DGKD: variants seen among roughly 807,000 people sequenced by gnomAD.
The protein encoded by DGKD is DAG kinase delta.
Under a neutral mutation model 154.4 loss-of-function variants are expected in DGKD, and 68 were observed. The ratio of observed to expected loss-of-function variants is 0.44; its 90% CI spans 0.36 to 0.54. The LOEUF (loss-of-function observed/expected upper bound fraction) is 0.54, where lower values mean the gene tolerates loss of function less well. Ranked by LOEUF, DGKD falls within the 20% of genes least tolerant of loss-of-function variation. The probability of loss-of-function intolerance (pLI) is 0.00; values close to 1 mark genes in which losing one functional copy is unlikely to be tolerated. For synonymous variants in DGKD, 693 were observed against 638.0 expected (o/e 1.09, Z -1.30); for missense variants, 1,343 against 1,593.6 (o/e 0.84, Z 2.68).
At chr2:233,467,525 A>T (rs1009667565) in intron 28 of DGKD, among the ~76,000 whole-genome samples, 1 of 152,186 alleles carries the variant, frequency 6.6e-6, no homozygotes, top group African/African-American at 2.4e-5. Flanking sequence ...CTCTGGACTC[A>T]GGCCGTGCTG....
At chr2:233,368,777 A>G (rs1702167440) in intron 1 of DGKD, among the ~76,000 whole-genome samples, 1 of 152,154 alleles carries the variant, frequency 6.6e-6, no homozygotes. Flanking sequence ...TTTTGATGCT[A>G]AAATTATCCT....
Position 233,450,118 on chromosome 2 carries a change from G to A in DGKD, c.2025G>A (p.Arg675=). The A allele has an allele frequency of 6.2e-7, 1 of 1,611,580 alleles. No homozygotes were observed. Among genetic ancestry groups the A allele is most frequent in the South Asian group, 1.1e-5 (1 of 90,790 alleles). ...HSESFGVPKG[R]SQRKVSKSPC... is the part of the protein sequence containing the mutation. ...AGAGCTTCGGGGTCCCCAAGGGGAG[G>A]AGCCAGCGCAAAGGTACTTGTGCCT... The change falls in exon 16 of 30, where the codon AGG becomes AGA. Residue 675 remains arginine, a synonymous_variant. Coordinates refer to ENST00000264057, the MANE Select transcript of DGKD (RefSeq NM_152879.3).
At position 233,457,518 on chromosome 2, in the gene DGKD, G is replaced by A. The variant is rs2063498623; in HGVS notation, c.2580+190G>A. Reference sequence around the variant, plus strand: ...GTCTAGAGGGCTGAGCAGAGCAGTTGTGTCAGTGAAGGTGGTCAGTGAGGG... The same window carrying A: ...GTCTAGAGGGCTGAGCAGAGCAGTTATGTCAGTGAAGGTGGTCAGTGAGGG... On this transcript the variant is annotated intron_variant, in intron 21 of 29. Transcript: ENST00000264057. This position sits in a 1 kb window ranked among gnomAD's most constrained non-coding sequence, Gnocchi z 5.5. 1 of 680,752 alleles carries A rather than the reference G, an allele frequency of 1.5e-6. No homozygotes were observed. The highest frequency in any genetic ancestry group is 2.7e-6 in the Non-Finnish European group (1 of 370,592). The allele number at this position is 680,752 out of a possible 1,614,324, so 42.2% of individuals were successfully genotyped here. A position where few individuals can be genotyped will look rare whatever the true frequency, so the allele number is the denominator to read the frequency against.
intron 1 of DGKD, among the ~76,000 whole-genome samples, chr2:233,385,493 T>C (rs1237794227): frequency 6.6e-6 from 1 of 152,224 alleles, no homozygotes; most frequent in East Asian, 1.9e-4. Flanking sequence ...GTATCTTAGA[T>C]GGCTTGAACG....
At chr2:233,427,814 G>C (rs779915817) in intron 3 of DGKD, among the ~76,000 whole-genome samples, 2 of 152,144 alleles carry the variant, frequency 1.3e-5, no homozygotes, top group East Asian at 3.9e-4. Flanking sequence ...ACCATTCCTT[G>C]GTTGCCAGTA....
At chr2:233,403,449 A>T (rs1453345409) in intron 3 of DGKD, among the ~76,000 whole-genome samples, 4 of 151,644 alleles carry the variant, frequency 2.6e-5, no homozygotes, top group Admixed American at 6.6e-5. Context: ...AATCCCAGCT[A>T]CTCAGGAGGC....
intron 5 of DGKD, among the ~76,000 whole-genome samples, chr2:233,435,422 A>G (rs879855991): frequency 2.0e-5 from 3 of 152,222 alleles, no homozygotes; most frequent in Non-Finnish European, 2.9e-5. Context: ...TTTTTAAATG[A>G]TTGGAAAAAA....
At chr2:233,429,423 C>T in intron 3 of DGKD, 1 of 721,566 alleles carries the variant, frequency 1.4e-6, no homozygotes. Context: ...AGGGACGGTG[C>T]CGATGACATG....
intron 3 of DGKD, among the ~76,000 whole-genome samples, chr2:233,406,717 C>T (rs838731): frequency 0.31 from 47,723 of 152,074 alleles, 8,471 homozygotes; most frequent in Middle Eastern, 0.45. Context: ...ATAGGCCTCA[C>T]CAGACTGCCA....
In DGKD at chr2:233,457,359, A is replaced by G; in HGVS notation, c.2580+31A>G. 6.7e-7 allele frequency: 1 copy of G among 1,495,002 alleles called. No homozygotes were observed. Among genetic ancestry groups the G allele is most frequent in the Non-Finnish European group, 9.3e-7 (1 of 1,080,288 alleles). 92.6% of individuals were successfully genotyped at this position (1,495,002 alleles called of 1,614,324 possible). ...TATGGGGTGTGAGCGGGTGGGCCTG[A>G]GCTCAGTGGGGAAGAGCTGTCTGAG... On this transcript the variant is annotated intron_variant, in intron 21 of 29. Coordinates refer to ENST00000264057, the MANE Select transcript of DGKD (RefSeq NM_152879.3). The surrounding 1 kb of genome is among the most constrained non-coding windows in gnomAD (Gnocchi z 5.5).
chr2:233,429,828 C>T (rs891568617), intron 3 of DGKD, among the ~76,000 whole-genome samples: 1 of 152,242 alleles, frequency 6.6e-6, no homozygotes, highest in Non-Finnish European at 1.5e-5. Context: ...CCAGCCCGGC[C>T]CCAGGTGTTC....
intron 3 of DGKD, among the ~76,000 whole-genome samples, chr2:233,408,490 C>T (rs1425813225): frequency 2.6e-5 from 4 of 152,208 alleles, no homozygotes; most frequent in African/African-American, 9.7e-5. Context: ...TTGGGAAGCC[C>T]CACGTTCGTT....
intron 1 of DGKD, among the ~76,000 whole-genome samples, chr2:233,355,109 G>T (rs2125363547): frequency 6.6e-6 from 1 of 152,164 alleles, no homozygotes; most frequent in East Asian, 1.9e-4. Flanking sequence ...AGGAGCGGTC[G>T]GGTGGTGTCC....
At position 233,434,912 on chromosome 2, in the gene DGKD, G is replaced by C. The variant is rs187747217; in HGVS notation, c.586+11G>C. 854 of 1,601,976 alleles carry C rather than the reference G, an allele frequency of 5.3e-4. No homozygotes were observed. In the African/African-American group the frequency reaches 0.01, roughly 19 times the overall value. On this transcript the variant is annotated intron_variant, in intron 5 of 29. Transcript: ENST00000264057. The stretch of plus-strand genomic sequence containing the variant: ...GGCTGTCCTGCGAGGGTACGGATGT[G>C]CGTTTGTTATTCTGTCAGGAAAGGT...
chr2:233,376,225 C>G (rs72978393), intron 1 of DGKD, among the ~76,000 whole-genome samples: 2,739 of 152,230 alleles, frequency 0.018, 81 homozygotes, highest in Admixed American at 0.076. Context: ...CTGGTTATGG[C>G]TATAATTTAG....
chr2:233,451,949 G>A lies in DGKD; in HGVS notation c.2168-15G>A, dbSNP rs368975605. 1.1e-4 allele frequency: 180 copies of A among 1,613,158 alleles called. No homozygotes were observed. Among genetic ancestry groups the A allele is most frequent in the Non-Finnish European group, 1.4e-4 (170 of 1,179,250 alleles). On this transcript the variant is annotated splice_polypyrimidine_tract_variant and intron_variant, in intron 17 of 29. Transcript: ENST00000264057. ...TCCTGACCAGCACCACCTCTTTCTT[G>A]TATCTCCTTTACAGATGTCCGGGCT...
intron 3 of DGKD, among the ~76,000 whole-genome samples, chr2:233,415,197 C>T (rs1051325305): frequency 1.3e-5 from 2 of 152,218 alleles, no homozygotes; most frequent in African/African-American, 4.8e-5. Context: ...TTTTCCCAGA[C>T]AGCTGAGCTT....
Position 233,450,134 on chromosome 2 carries a change from A to G in DGKD, c.2038+3A>G. 6.2e-7 allele frequency: 1 copy of G among 1,605,134 alleles called. No individual in the cohort carries two copies. Among genetic ancestry groups the G allele is most frequent in the Non-Finnish European group, 8.5e-7 (1 of 1,174,752 alleles). ...CAAGGGGAGGAGCCAGCGCAAAGGTACTTGTGCCTCCACCTCCCTCTGCGC... is the reference window on the plus strand; with the variant it reads ...CAAGGGGAGGAGCCAGCGCAAAGGTGCTTGTGCCTCCACCTCCCTCTGCGC... On this transcript the variant is annotated splice_donor_region_variant and intron_variant, in intron 16 of 29. Coordinates refer to ENST00000264057, the MANE Select transcript of DGKD (RefSeq NM_152879.3).
intron 3 of DGKD, among the ~76,000 whole-genome samples, chr2:233,419,887 G>T (rs1235298425): frequency 4.6e-5 from 7 of 152,266 alleles, no homozygotes; most frequent in South Asian, 2.1e-4. Flanking sequence ...AGGGGTGTGT[G>T]TTGGGAGGGA....
Sources: gnomAD v4.1 joint callset for allele counts (sites outside exome capture counted in the v4.1 genomes callset) on GRCh38, gnomAD v4.1.1 for gene constraint, Gnocchi (gnomAD v3.1) non-coding constraint, MANE v1.5 for transcripts, NCBI Gene and HGNC (gene_info 2026-07-23, HGNC 2026-07-21) for gene names.